ADGRA3: variants seen among roughly 807,000 people sequenced by gnomAD.
ADGRA3 encodes adhesion G protein-coupled receptor A3.
ADGRA3 carries 56 observed loss-of-function variants against 119.8 expected under a neutral mutation model. That is an observed-to-expected ratio of 0.47 (90% CI 0.38 to 0.58). The LOEUF (loss-of-function observed/expected upper bound fraction) is 0.58. ADGRA3 is among the 20% of genes least tolerant of loss of function. The pLI, the probability that ADGRA3 is intolerant of heterozygous loss-of-function variation, is 0.00. For synonymous variants in ADGRA3, 607 were observed against 623.8 expected (o/e 0.97, Z 0.40); for missense variants, 1,516 against 1,649.0 (o/e 0.92, Z 1.40).
At chr4:22,469,133 C>G (rs541192435) in intron 2 of ADGRA3, among the ~76,000 whole-genome samples, 1 of 152,208 alleles carries the variant, frequency 6.6e-6, no homozygotes, top group South Asian at 2.1e-4. Flanking sequence ...ACTTCCCTCC[C>G]TCACCTCCCT....
rs750025347 is a variant in ADGRA3 at position 22,389,076 on chromosome 4, T to C, written c.2723+12A>G. 6.2e-7 allele frequency: 1 copy of C among 1,611,946 alleles called. No homozygotes were observed. Among genetic ancestry groups the C allele is most frequent in the Non-Finnish European group, 8.5e-7 (1 of 1,178,404 alleles). On this transcript the variant is annotated intron_variant, in intron 18 of 18. Coordinates refer to ENST00000334304, the MANE Select transcript of ADGRA3 (RefSeq NM_145290.4). The stretch of plus-strand genomic sequence containing the variant: ...AACTGGGTCAAGTACACAGAGAATA[T>C]AAAATACTCACTAGGGTGCGTTTGG...
intron 5 of ADGRA3, among the ~76,000 whole-genome samples, chr4:22,446,373 A>G (rs1716828494): frequency 6.6e-6 from 1 of 152,194 alleles, no homozygotes; most frequent in South Asian, 2.1e-4. Context: ...CTCAAAAGCC[A>G]GACTAGCTTT....
At chr4:22,421,487 A>G (rs1158152539) in intron 11 of ADGRA3, among the ~76,000 whole-genome samples, 1 of 152,200 alleles carries the variant, frequency 6.6e-6, no homozygotes, top group African/African-American at 2.4e-5. Flanking sequence ...GAAGAATGAG[A>G]GCTAAATATT....
At chr4:22,454,804 A>G in intron 4 of ADGRA3, 62 bp downstream of exon 4, 3 of 1,191,256 alleles carry the variant, frequency 2.5e-6, no homozygotes, top group East Asian at 4.7e-5. Flanking sequence ...AGTTTCATAC[A>G]TATTTAGGTA....
At position 22,413,869 on chromosome 4, in the gene ADGRA3, G is replaced by GA. The variant is rs1405937515; in HGVS notation, c.1810-56dup. 4 of 1,161,122 alleles carry GA rather than the reference G, an allele frequency of 3.4e-6. No individual in the cohort carries two copies. In the Admixed American group the frequency reaches 7.9e-5, roughly 23 times the overall value. The allele number at this position is 1,161,122 out of a possible 1,614,324, so 71.9% of individuals were successfully genotyped here. A position where few individuals can be genotyped will look rare whatever the true frequency, so the allele number is the denominator to read the frequency against. ...TCACTACATTAGTACATAGAAACCA[G>GA]AAAAAAATATGTCAGATAGTTACAA... On this transcript the variant is annotated intron_variant, in intron 12 of 18. Transcript: ENST00000334304.
rs1716246568 is a variant in ADGRA3, at chr4:22,432,945, G to GT, written c.1443+2365dup. Among the ~76,000 whole-genome samples the GT allele has an allele frequency of 2.6e-5, 4 of 152,074 alleles. No individual in the cohort carries two copies. In the South Asian group the frequency reaches 6.2e-4, roughly 24 times the overall value. On this transcript the variant is annotated intron_variant, in intron 10 of 18. Coordinates refer to ENST00000334304, the MANE Select transcript of ADGRA3 (RefSeq NM_145290.4). ...TTAATTATTTCTCTATCTAAGCTAG[G>GT]TGCATTTTAGGATAACTTGGCATAA...
At chr4:22,426,871 T>C (rs923770645) in intron 10 of ADGRA3, among the ~76,000 whole-genome samples, 1 of 152,204 alleles carries the variant, frequency 6.6e-6, no homozygotes, top group African/African-American at 2.4e-5. Context: ...TCCTAGTTCA[T>C]GTTCCTACTA....
At chr4:22,425,056 C>G (rs1432611707) in intron 10 of ADGRA3, among the ~76,000 whole-genome samples, 2 of 144,780 alleles carry the variant, frequency 1.4e-5, no homozygotes, top group East Asian at 4.1e-4. Flanking sequence ...GCCTGGACAA[C>G]AGAGTGAGAC....
chr4:22,465,386 T>G (rs1717617650), intron 2 of ADGRA3, among the ~76,000 whole-genome samples: 1 of 152,172 alleles, frequency 6.6e-6, no homozygotes, highest in Non-Finnish European at 1.5e-5. Flanking sequence ...AACCTAGGAC[T>G]TGTGGGAGAG....
chr4:22,390,744 T>C (rs1714103815), intron 17 of ADGRA3, among the ~76,000 whole-genome samples: 1 of 152,070 alleles, frequency 6.6e-6, no homozygotes, highest in African/African-American at 2.4e-5. Context: ...TTGAGCTGTC[T>C]AATGCAAAGA....
At chr4:22,479,690 T>C (rs1718186724) in intron 1 of ADGRA3, among the ~76,000 whole-genome samples, 1 of 152,106 alleles carries the variant, frequency 6.6e-6, no homozygotes, top group South Asian at 2.1e-4. Context: ...TAGAGACACA[T>C]GCACACGTAT....
chr4:22,499,092 A>G (rs1718956321), intron 1 of ADGRA3, among the ~76,000 whole-genome samples: 1 of 152,202 alleles, frequency 6.6e-6, no homozygotes, highest in Non-Finnish European at 1.5e-5. Context: ...CTGAGGCTTA[A>G]GTACAAGTAG....
At chr4:22,447,378 T>G in intron 5 of ADGRA3, 62 bp downstream of exon 5, 1 of 1,033,542 alleles carries the variant, frequency 9.7e-7, no homozygotes, top group East Asian at 2.4e-5. Context: ...TAATAAATGT[T>G]TTTAATTTTC....
At chr4:22,480,319 A>G (rs77441734) in intron 1 of ADGRA3, among the ~76,000 whole-genome samples, 12,454 of 152,140 alleles carry the variant, frequency 0.082, 570 homozygotes, top group Non-Finnish European at 0.092. Context: ...ACAGTGGGGG[A>G]AAAATGTGAT....
In ADGRA3 at chr4:22,443,835, CTTTTA is replaced by C. The variant is rs1001267885; in HGVS notation, c.707-977_707-973del. ...AAACATGGTCTTTGTTTCTCTGCTTCTTTTATTTATTTGCACAAATCTTAATTTTC... is the reference window on the plus strand; with the variant it reads ...AAACATGGTCTTTGTTTCTCTGCTTCTTTATTTGCACAAATCTTAATTTTC... On this transcript the variant is annotated intron_variant, in intron 6 of 18. Transcript: ENST00000334304. 3.3e-5 allele frequency among the ~76,000 whole-genome samples: 5 copies of C among 152,108 alleles called. No homozygotes were observed. In the East Asian group the frequency reaches 5.8e-4, roughly 18 times the overall value.
chr4:22,407,053 C>G (rs2109014884), intron 14 of ADGRA3, among the ~76,000 whole-genome samples: 1 of 152,264 alleles, frequency 6.6e-6, no homozygotes, highest in Middle Eastern at 3.4e-3. Context: ...GGGTGGATCA[C>G]AAGGTCAGGA....
At chr4:22,492,580 T>C (rs938144810) in intron 1 of ADGRA3, among the ~76,000 whole-genome samples, 1 of 152,156 alleles carries the variant, frequency 6.6e-6, no homozygotes, top group Non-Finnish European at 1.5e-5. Context: ...AAACACAGAA[T>C]ATGTTAGCTG....
chr4:22,419,391 C>T (rs1040369382), intron 12 of ADGRA3, among the ~76,000 whole-genome samples: 17 of 152,124 alleles, frequency 1.1e-4, no homozygotes, highest in African/African-American at 3.4e-4. Context: ...TTTTCTGTCA[C>T]GAGGGATATG....
intron 1 of ADGRA3, among the ~76,000 whole-genome samples, chr4:22,497,552 C>G (rs75435172): frequency 6.6e-6 from 1 of 152,106 alleles, no homozygotes; most frequent in Non-Finnish European, 1.5e-5. Flanking sequence ...AGGCCGGGCA[C>G]GGTGGCTCAC....
Sources: gnomAD v4.1 joint callset for allele counts (sites outside exome capture counted in the v4.1 genomes callset) on GRCh38, gnomAD v4.1.1 for gene constraint, MANE v1.5 for transcripts, NCBI Gene and HGNC (gene_info 2026-07-23, HGNC 2026-07-21) for gene names.